Variants in USP47 observed in about 807,000 individuals in gnomAD.
The protein encoded by USP47 is ubiquitin specific peptidase 47, also known as ubiquitin carboxyl-terminal hydrolase 47.
In USP47, 35 loss-of-function variants were observed where a neutral mutation model predicts 165.1. The ratio of observed to expected loss-of-function variants is 0.21; its 90% CI spans 0.16 to 0.28. The LOEUF is 0.28. USP47 is among the 10% of genes least tolerant of loss of function. USP47 has a pLI of 1.00. For synonymous variants in USP47, 531 were observed against 544.5 expected, an observed-to-expected ratio of 0.98 and a Z score of 0.35; for missense variants, 1,277 against 1,607.4, an observed-to-expected ratio of 0.79 and a Z score of 3.52.
At chr11:11,876,439 T>C (rs1260301402) in intron 1 of USP47, among the ~76,000 whole-genome samples, 1 of 152,194 alleles carries the variant, frequency 6.6e-6, no homozygotes, top group Non-Finnish European at 1.5e-5. Flanking sequence ...TAGCTATATT[T>C]ATTTTTTATC....
chr11:11,929,039 G>T (rs915660330), intron 11 of USP47, among the ~76,000 whole-genome samples: 1 of 151,870 alleles, frequency 6.6e-6, no homozygotes, highest in African/African-American at 2.4e-5. Flanking sequence ...TTTTGTAAAG[G>T]AAATAGAATT....
At chr11:11,872,875 A>T (rs760795356) in intron 1 of USP47, among the ~76,000 whole-genome samples, 2 of 152,218 alleles carry the variant, frequency 1.3e-5, no homozygotes, top group Non-Finnish European at 2.9e-5. Flanking sequence ...CATTAATAGC[A>T]GATTAGTTAA....
chr11:11,845,865 C>G (rs184926520), intron 1 of USP47, among the ~76,000 whole-genome samples: 7 of 152,284 alleles, frequency 4.6e-5, no homozygotes, highest in African/African-American at 9.6e-5. Context: ...AAGTCTAGAT[C>G]TCTATAGCTG....
chr11:11,892,911 C>A (rs984503736), intron 4 of USP47, among the ~76,000 whole-genome samples: 2 of 150,640 alleles, frequency 1.3e-5, no homozygotes, highest in Admixed American at 1.3e-4. Flanking sequence ...TTAAAGTGGA[C>A]TTCCTCCAGA....
intron 1 of USP47, among the ~76,000 whole-genome samples, chr11:11,854,076 A>G (rs1848883957): frequency 1.4e-5 from 2 of 144,852 alleles, no homozygotes; most frequent in African/African-American, 2.5e-5. Flanking sequence ...TGGAGCTTGC[A>G]GTGAACCGAG....
chr11:11,869,041 G>A (rs146137584), intron 1 of USP47, among the ~76,000 whole-genome samples: 5 of 152,006 alleles, frequency 3.3e-5, no homozygotes, highest in Non-Finnish European at 7.4e-5. Context: ...TTGATTATGT[G>A]GTTTGAAATA....
Position 11,942,325 on chromosome 11 carries a change from T to G in USP47, c.2314-10T>G. 1 of 1,558,574 alleles carries G rather than the reference T, an allele frequency of 6.4e-7. No individual in the cohort carries two copies. Among genetic ancestry groups the G allele is most frequent in the Non-Finnish European group, 8.6e-7 (1 of 1,158,878 alleles). On this transcript the variant is annotated splice_polypyrimidine_tract_variant and intron_variant, in intron 19 of 27. Coordinates refer to ENST00000527733, the MANE Select transcript of USP47 (RefSeq NM_001282659.2). Reference sequence around the variant, plus strand: ...ATTAATATATAATAAAACTCTGACTTACTATGTAGGTGTTTGTTGAAAGCT... The same window carrying G: ...ATTAATATATAATAAAACTCTGACTGACTATGTAGGTGTTTGTTGAAAGCT...
chr11:11,927,482 A>T (rs1854337242), intron 11 of USP47, among the ~76,000 whole-genome samples: 1 of 152,232 alleles, frequency 6.6e-6, no homozygotes, highest in Non-Finnish European at 1.5e-5. Flanking sequence ...AGTAGTTGCG[A>T]CAGAAACCGT....
Position 11,936,384 on chromosome 11 carries a change from T to A in USP47, c.1951T>A (p.Ser651Thr). Residue 651 changes from serine (S) to threonine (T), a missense_variant, in exon 17 of 28, where the codon TCA (serine) becomes ACA (threonine). Ser to Thr is a moderately conservative substitution (Grantham distance 58, BLOSUM62 1). Around this residue, in one of 4 missense-constraint regions of USP47, gnomAD observed 909 missense variants for 1,068.1 expected, o/e 0.85. Transcript: ENST00000527733. ...TGAGTTTCATGATTATCTAGAACGG[T>A]CATATGAAGGAGAAGAAGATACACC... is the stretch of plus-strand genomic sequence containing the variant. Reference protein sequence around the residue: ...YDEFHDYLERSYEGEEDTPMG... With the variant: ...YDEFHDYLERTYEGEEDTPMG... 6.2e-7 allele frequency: 1 copy of A among 1,610,278 alleles called. No homozygotes were observed. Among genetic ancestry groups the A allele is most frequent in the Non-Finnish European group, 8.5e-7 (1 of 1,177,600 alleles).
Position 11,958,478 on chromosome 11 carries a change from A to G in USP47, c.*2303A>G, listed in dbSNP as rs1311905818. 2 of 152,260 alleles carry G rather than the reference A, an allele frequency of 1.3e-5. No individual in the cohort carries two copies. Among genetic ancestry groups the G allele is most frequent in the African/African-American group, 2.4e-5 (1 of 41,474 alleles). The allele number at this position is 152,260 out of a possible 1,614,324, so 9.4% of individuals were successfully genotyped here. On this transcript the variant is annotated 3_prime_UTR_variant, in exon 28 of 28. Coordinates refer to ENST00000527733, the MANE Select transcript of USP47 (RefSeq NM_001282659.2). ...GCTTCAGAGAGTCAGGTGAGCATCC[A>G]TAACCTAACAGGCAGAGCCCTAGCG... is the stretch of plus-strand genomic sequence containing the variant.
chr11:11,876,215 C>G (rs185950681), intron 1 of USP47, among the ~76,000 whole-genome samples: 180 of 151,816 alleles, frequency 1.2e-3, no homozygotes, highest in African/African-American at 4.2e-3. Flanking sequence ...GTAGGCTTTT[C>G]TAAAATTTTA....
rs192110507 is a variant in USP47 at position 11,946,663 on chromosome 11, G to A, written c.3092-1282G>A. Among the ~76,000 whole-genome samples the A allele has an allele frequency of 7.2e-5, 11 of 152,192 alleles. No individual in the cohort carries two copies. The East Asian group carries it at 1.4e-3, about 19-fold the overall frequency. On this transcript the variant is annotated intron_variant, in intron 20 of 27. Coordinates refer to ENST00000527733, the MANE Select transcript of USP47 (RefSeq NM_001282659.2). ...CTTCTGTTAAGAAATTTAGTACCTCGTTGGATAGCATAGACAGAAGCTTGT... is the reference window on the plus strand; with the variant it reads ...CTTCTGTTAAGAAATTTAGTACCTCATTGGATAGCATAGACAGAAGCTTGT...
chr11:11,880,127 G>T (rs1229600518), intron 1 of USP47, 50 bp from the exon 2 acceptor site: 3 of 1,259,216 alleles, frequency 2.4e-6, no homozygotes, highest in East Asian at 2.8e-5. Context: ...TTATACTTTT[G>T]TTTTGCTTTA....
At chr11:11,934,025 A>T (rs1854876134) in intron 16 of USP47, 90 bp downstream of exon 16, 2 of 892,140 alleles carry the variant, frequency 2.2e-6, no homozygotes, top group African/African-American at 3.4e-5. Flanking sequence ...ATAGTTATAT[A>T]AACACTGGCA....
At chr11:11,913,455 C>G (rs969760014) in intron 8 of USP47, among the ~76,000 whole-genome samples, 2 of 151,380 alleles carry the variant, frequency 1.3e-5, no homozygotes, top group Non-Finnish European at 3.0e-5. Context: ...TGTACTGGAC[C>G]TATGTGTTCA....
chr11:11,917,149 GA>G (rs1320292901), intron 8 of USP47, among the ~76,000 whole-genome samples: 2 of 151,686 alleles, frequency 1.3e-5, no homozygotes, highest in African/African-American at 2.4e-5. Flanking sequence ...GACCTCATCT[GA>G]AAAAAAAGAT....
rs1850749421 is a variant in USP47 at position 11,880,379 on chromosome 11, T to C, written c.242T>C (p.Met81Thr). The change falls in exon 2 of 28, where the codon ATG becomes ACG. Residue 81 changes from methionine to threonine, a missense_variant and splice_region_variant. By Grantham distance (81) the Met-to-Thr change is moderately conservative (BLOSUM62 -1). Around this residue, in one of 4 missense-constraint regions of USP47, gnomAD observed 181 missense variants for 194.7 expected, o/e 0.93. Transcript: ENST00000527733. ...GGAAATGGAATCAATACTGCTGATA[T>C]GGTAAAATCCTAGACTTAAGCTTCT... ...VWGNGINTAD[M>T]APLDHTSDKS... 3 of 1,305,106 alleles carry C rather than the reference T, an allele frequency of 2.3e-6. No individual in the cohort carries two copies. Among genetic ancestry groups the C allele is most frequent in the African/African-American group, 1.5e-5 (1 of 65,036 alleles). The allele number at this position is 1,305,106 out of a possible 1,614,324, so 80.8% of individuals were successfully genotyped here.
chr11:11,907,105 CATT>C (rs1852622953), intron 8 of USP47, among the ~76,000 whole-genome samples: 1 of 152,058 alleles, frequency 6.6e-6, no homozygotes. Context: ...ATCTTTATGT[CATT>C]ATTTATTCAC....
chr11:11,888,573 CA>C (rs1293000676), intron 3 of USP47, among the ~76,000 whole-genome samples: 2 of 151,924 alleles, frequency 1.3e-5, no homozygotes, highest in South Asian at 2.1e-4. Context: ...GCCTACCAAT[CA>C]AAAAAAGCCC....
Sources: gnomAD v4.1 joint callset for allele counts (sites outside exome capture counted in the v4.1 genomes callset) on GRCh38, gnomAD v4.1.1 for gene constraint, gnomAD v4.1.1 regional missense constraint, MANE v1.5 for transcripts, NCBI Gene and HGNC (gene_info 2026-07-23, HGNC 2026-07-21) for gene names.